DHRS7: variants seen among roughly 807,000 people sequenced by gnomAD.
DHRS7 encodes dehydrogenase/reductase SDR family member 7.
In DHRS7, 34 loss-of-function variants were observed where a neutral mutation model predicts 38.9. That is an observed-to-expected ratio of 0.87 (90% CI 0.66 to 1.16). DHRS7 has a LOEUF of 1.16. Among genes scored for constraint, DHRS7 ranks in the 50% most tolerant of loss-of-function variants. The pLI is 0.00. For missense variants in DHRS7, 421 were observed against 407.0 expected (o/e 1.03, Z -0.30); for synonymous variants, 158 against 153.1 (o/e 1.03, Z -0.24).
At chr14:60,164,041 G>C (rs2140616791) in intron 1 of DHRS7, among the ~76,000 whole-genome samples, 1 of 152,160 alleles carries the variant, frequency 6.6e-6, no homozygotes, top group Admixed American at 6.5e-5. Context: ...TCCATGTTGT[G>C]TATTTTTCGT....
chr14:60,168,405 A>T (rs1459630161), upstream of DHRS7, among the ~76,000 whole-genome samples: 1 of 152,194 alleles, frequency 6.6e-6, no homozygotes, highest in Non-Finnish European at 1.5e-5. Context: ...TGCACACATG[A>T]GTACATGCAA....
rs1896765024 is a variant in DHRS7, at chr14:60,161,577, A to G, written c.133+3600T>C. ...TCCAATTTCTGCCACCTTCCCTCAC[A>G]TGACATGGTATCAGGTTTCCTCACT... On this transcript the variant is annotated intron_variant, in intron 1 of 6. Coordinates refer to ENST00000557185, the MANE Select transcript of DHRS7 (RefSeq NM_016029.4). This position sits in a 1 kb window ranked among gnomAD's most constrained non-coding sequence, Gnocchi z 4.2. 6.6e-6 allele frequency among the ~76,000 whole-genome samples: 1 copy of G among 152,068 alleles called. No homozygotes were observed. Among genetic ancestry groups the G allele is most frequent in the Non-Finnish European group, 1.5e-5 (1 of 68,008 alleles).
Position 60,145,109 on chromosome 14 carries a change from A to G in DHRS7, c.973-96T>C, listed in dbSNP as rs1459471393. The stretch of plus-strand genomic sequence containing the variant: ...TTCTGTTTTGAGGAGCTGTATCATT[A>G]TGATTCACTATTAAGAATCTTTACA... On this transcript the variant is annotated intron_variant, in intron 6 of 6. Transcript: ENST00000557185. This position sits in a 1 kb window ranked among gnomAD's most constrained non-coding sequence, Gnocchi z 4.0. The G allele has an allele frequency of 1.8e-5, 14 of 788,514 alleles. No homozygotes were observed. In the East Asian group the frequency reaches 3.9e-4, roughly 22 times the overall value. The allele number at this position is 788,514 out of a possible 1,614,324, so 48.8% of individuals were successfully genotyped here. A position where few individuals can be genotyped will look rare whatever the true frequency, so the allele number is the denominator to read the frequency against.
In DHRS7 at chr14:60,149,347, T is replaced by C. The variant is rs530458404; in HGVS notation, c.972+6A>G. On this transcript the variant is annotated splice_donor_region_variant and intron_variant, in intron 6 of 6. Coordinates refer to ENST00000557185, the MANE Select transcript of DHRS7 (RefSeq NM_016029.4). ...TACTATTAAGAAACTTAGAAATTGG[T>C]CTTACCACACCACTCTTAAAGTTCT... 1.9e-6 allele frequency: 3 copies of C among 1,613,078 alleles called. No homozygotes were observed. The highest frequency in any genetic ancestry group is 4.5e-5 in the East Asian group (2 of 44,882).
intron 4 of DHRS7, among the ~76,000 whole-genome samples, chr14:60,150,631 A>G (rs2140593285): frequency 6.6e-6 from 1 of 152,330 alleles, no homozygotes; most frequent in South Asian, 2.1e-4. Flanking sequence ...CCATGCCCCT[A>G]CAAAGGACAT....
At chr14:60,149,225 T>C (rs768719591) in intron 6 of DHRS7, 128 bp downstream of exon 6, 1 of 849,654 alleles carries the variant, frequency 1.2e-6, no homozygotes, top group Non-Finnish European at 1.9e-6. Context: ...TGCCTTGGCC[T>C]CCCAAAGTGC....
At chr14:60,168,064 GT>G (rs1210095530), upstream of DHRS7, among the ~76,000 whole-genome samples, 3 of 152,112 alleles carry the variant, frequency 2.0e-5, no homozygotes, top group African/African-American at 7.2e-5. Flanking sequence ...TCATGGTCTA[GT>G]TTTCTGATAT....
Position 60,150,192 on chromosome 14 carries a change from C to CA in DHRS7, c.634-6dup, listed in dbSNP as rs749307063. On this transcript the variant is annotated splice_polypyrimidine_tract_variant and splice_region_variant and intron_variant, in intron 4 of 6. Transcript: ENST00000557185. ...TCGAAGGCCATTAAAAAAACCCTAA[C>CA]AGACAAAAAAAAAAAAAAAGGAAAA... 1.3e-5 allele frequency: 16 copies of CA among 1,223,482 alleles called. No individual in the cohort carries two copies. The highest frequency in any genetic ancestry group is 8.3e-5 in the South Asian group (3 of 35,962). 75.8% of individuals were successfully genotyped at this position (1,223,482 alleles called of 1,614,324 possible).
At chr14:60,149,649 A>G (rs1418824153) in intron 5 of DHRS7, 81 bp from the exon 6 acceptor site, 1 of 1,112,930 alleles carries the variant, frequency 9.0e-7, no homozygotes, top group Non-Finnish European at 1.3e-6. Flanking sequence ...AATGCCGTCT[A>G]GTTGAGTGGT....
chr14:60,161,893 C>G lies in DHRS7; in HGVS notation c.133+3284G>C, dbSNP rs906376096. Among the ~76,000 whole-genome samples, 6 of 152,176 alleles carry G rather than the reference C, an allele frequency of 3.9e-5. No individual in the cohort carries two copies. Among genetic ancestry groups the G allele is most frequent in the African/African-American group, 1.4e-4 (6 of 41,434 alleles). Reference sequence around the variant, plus strand: ...CAGTTGTTGCTTCAGACACTGAGGTCTACAAATGCAACCCAAGGTTGCCTG... The same window carrying G: ...CAGTTGTTGCTTCAGACACTGAGGTGTACAAATGCAACCCAAGGTTGCCTG... On this transcript the variant is annotated intron_variant, in intron 1 of 6. Transcript: ENST00000557185. This position sits in a 1 kb window ranked among gnomAD's most constrained non-coding sequence, Gnocchi z 4.2.
rs2140617344 is a variant in DHRS7 at position 60,164,263 on chromosome 14, G to GT, written c.133+913_133+914insA. On this transcript the variant is annotated intron_variant, in intron 1 of 6. Coordinates refer to ENST00000557185, the MANE Select transcript of DHRS7 (RefSeq NM_016029.4). ...CCCCCCTCAACGCCCAACCCATAAC[G>GT]CCCCCCCCAAACATAGTCTATCTTT... Among the ~76,000 whole-genome samples the GT allele has an allele frequency of 2.7e-5, 3 of 112,988 alleles. No homozygotes were observed. In the South Asian group the frequency reaches 8.9e-4, roughly 33 times the overall value. The allele number at this position is 112,988 out of a possible 152,430, so 74.1% of individuals were successfully genotyped here. A position where few individuals can be genotyped will look rare whatever the true frequency, so the allele number is the denominator to read the frequency against.
At chr14:60,150,352 A>C (rs1374112746) in intron 4 of DHRS7, among the ~76,000 whole-genome samples, 165 bp from the exon 5 acceptor site, 1 of 152,182 alleles carries the variant, frequency 6.6e-6, no homozygotes, top group Non-Finnish European at 1.5e-5. Context: ...GTTCTAGGGT[A>C]CATGTGCACA....
intron 6 of DHRS7, chr14:60,147,597 T>C (rs368511413): frequency 6.6e-6 from 1 of 152,166 alleles, no homozygotes; most frequent in Non-Finnish European, 1.5e-5. Flanking sequence ...AAAAGCACAA[T>C]AGCTAACACT....
In DHRS7 at chr14:60,159,418, T is replaced by C. The variant is rs1051468854; in HGVS notation, c.134-3266A>G. On this transcript the variant is annotated intron_variant, in intron 1 of 6. Transcript: ENST00000557185. Reference sequence around the variant, plus strand: ...TCAAAAGTGATAGTACCTTTGTTTGTGGTTTCATTGAATATTTATGAAGCT... The same window carrying C: ...TCAAAAGTGATAGTACCTTTGTTTGCGGTTTCATTGAATATTTATGAAGCT... 1.8e-5 allele frequency: 4 copies of C among 227,468 alleles called. No individual in the cohort carries two copies. In the Admixed American group the frequency reaches 2.5e-4, roughly 14 times the overall value. The allele number at this position is 227,468 out of a possible 1,614,324, so 14.1% of individuals were successfully genotyped here.
chr14:60,150,112 C>T lies in DHRS7; in HGVS notation c.709G>A (p.Val237Met). Residue 237 changes from valine (V) to methionine (M), a missense_variant, in exon 5 of 7, where the codon GTG becomes ATG. By Grantham distance (21) the Val-to-Met change is conservative (BLOSUM62 1). Transcript: ENST00000557185. Reference sequence around the variant, plus strand: ...GAATTCTCCACAATATTTGATTGCACAGGTCCTGGGCAAATGTTAGAAACT... The same window carrying T: ...GAATTCTCCACAATATTTGATTGCATAGGTCCTGGGCAAATGTTAGAAACT... ...IIVSNICPGP[V>M]QSNIVENSLA... is the part of the protein sequence containing the mutation. 1 of 1,605,570 alleles carries T rather than the reference C, an allele frequency of 6.2e-7. No homozygotes were observed. The highest frequency in any genetic ancestry group is 8.5e-7 in the Non-Finnish European group (1 of 1,177,732).
chr14:60,164,633 C>G (rs1489391516), intron 1 of DHRS7, among the ~76,000 whole-genome samples: 2 of 152,164 alleles, frequency 1.3e-5, no homozygotes, highest in African/African-American at 2.4e-5. Flanking sequence ...ATTTTTAGTT[C>G]TTTCTAGTGT....
chr14:60,153,046 G>T lies in DHRS7; in HGVS notation c.526C>A (p.His176Asn), dbSNP rs756832644. 5.6e-6 allele frequency: 9 copies of T among 1,614,210 alleles called. No individual in the cohort carries two copies. The highest frequency in any genetic ancestry group is 6.8e-6 in the Non-Finnish European group (8 of 1,180,034). Reference sequence around the variant, plus strand: ...TTTCCTTGCTTCCTCTCGATCATGTGAGGCAGAACACATTTTGTCAAGGAC... The same window carrying T: ...TTTCCTTGCTTCCTCTCGATCATGTTAGGCAGAACACATTTTGTCAAGGAC... ...TVSLTKCVLP[H>N]MIERKQGKIV... The change falls in exon 4 of 7, where the codon CAC becomes AAC. Residue 176 changes from histidine to asparagine, a missense_variant. By Grantham distance (68) the His-to-Asn change is moderately conservative. Coordinates refer to ENST00000557185, the MANE Select transcript of DHRS7 (RefSeq NM_016029.4). The surrounding 1 kb of genome is among the most constrained non-coding windows in gnomAD (Gnocchi z 4.4).
At position 60,161,990 on chromosome 14, in the gene DHRS7, A is replaced by C. The variant is rs1021121910; in HGVS notation, c.133+3187T>G. Among the ~76,000 whole-genome samples the C allele has an allele frequency of 2.0e-5, 3 of 152,228 alleles. No homozygotes were observed. Among genetic ancestry groups the C allele is most frequent in the Non-Finnish European group, 4.4e-5 (3 of 68,034 alleles). ...GTTAACAAAAACCTGAGTTTTGCTC[A>C]CATGTGCTGCTGTTGAAATTTTTCC... On this transcript the variant is annotated intron_variant, in intron 1 of 6. Transcript: ENST00000557185. The surrounding 1 kb of genome is among the most constrained non-coding windows in gnomAD (Gnocchi z 4.2).
chr14:60,150,303 C>A (rs1174933274), intron 4 of DHRS7, 116 bp from the exon 5 acceptor site: 14 of 988,546 alleles, frequency 1.4e-5, no homozygotes, highest in Non-Finnish European at 1.4e-5. Context: ...TGTAATCATG[C>A]AAGCTTATTA....
Sources: allele counts gnomAD v4.1 joint callset (sites outside exome capture counted in the v4.1 genomes callset), GRCh38; gene constraint gnomAD v4.1.1; non-coding constraint Gnocchi (gnomAD v3.1); transcripts MANE v1.5; gene names NCBI Gene and HGNC (gene_info 2026-07-23, HGNC 2026-07-21).